The following UBE3A variants were observed in gnomAD, a reference collection of about 807,000 sequenced individuals.
The protein encoded by UBE3A is ubiquitin-protein ligase E3A.
A neutral mutation model predicts 83.4 loss-of-function variants in UBE3A; 6 were observed. The ratio of observed to expected loss-of-function variants is 0.07; its 90% confidence interval spans 0.04 to 0.14. The LOEUF is 0.14. Ranked by LOEUF, UBE3A falls within the 10% of genes least tolerant of loss-of-function variation. The probability of loss-of-function intolerance (pLI) is 1.00; values close to 1 mark genes in which losing one functional copy is unlikely to be tolerated. For missense variants in UBE3A, 456 were observed against 1,036.1 expected (o/e 0.44, Z 7.69); for synonymous variants, 337 against 355.4 (o/e 0.95, Z 0.58).
intron 4 of UBE3A, among the ~76,000 whole-genome samples, chr15:25,405,209 C>T (rs906693866): frequency 2.0e-5 from 3 of 151,980 alleles, no homozygotes; most frequent in African/African-American, 7.3e-5. Context: ...CCTACAACTG[C>T]TACCAGGGAA....
At chr15:25,340,314 A>G (rs2152516286) in intron 11 of UBE3A, 86 bp from the exon 12 acceptor site, 1 of 1,461,260 alleles carries the variant, frequency 6.8e-7, no homozygotes, top group East Asian at 2.3e-5. Context: ...CATTAAAACT[A>G]TATTAAGAGA....
chr15:25,369,467 GAATTTAGACAATTCTAAAACTAA>G (rs2079939915), intron 6 of UBE3A, among the ~76,000 whole-genome samples: 1 of 149,912 alleles, frequency 6.7e-6, no homozygotes, highest in African/African-American at 2.5e-5. Context: ...ATGAATTCTC[GAATTTAGACAATTCTAAAACTAA>G]AATTTAGACA....
Position 25,407,097 on chromosome 15 carries a change from C to T in UBE3A, c.21-1595G>A, listed in dbSNP as rs1250926625. ...CTCCACCAGCCTTGTGGGTAAGTAC[C>T]CCAAGATTGCTTCCAAACTTGTATC... On this transcript the variant is annotated intron_variant, in intron 3 of 12. Transcript: ENST00000648336. The T allele has an allele frequency of 2.2e-6, 3 of 1,350,590 alleles. No homozygotes were observed. The African/African-American group carries it at 4.4e-5, about 20-fold the overall frequency. The allele number at this position is 1,350,590 out of a possible 1,614,324, so 83.7% of individuals were successfully genotyped here. A position where few individuals can be genotyped will look rare whatever the true frequency, so the allele number is the denominator to read the frequency against.
intron 1 of UBE3A, among the ~76,000 whole-genome samples, chr15:25,429,258 C>T (rs78336119): frequency 0.011 from 1,706 of 151,892 alleles, 40 homozygotes; most frequent in African/African-American, 0.039. Flanking sequence ...TGTGTAGAGA[C>T]GGGTAACAGG....
rs1483029864 is a variant in UBE3A, at chr15:25,335,529, AAAG to A, written c.*3605_*3607del. On this transcript the variant is annotated 3_prime_UTR_variant, in exon 13 of 13. Transcript: ENST00000648336. ...GGATCAGGACCTGTAAGGGCAGTAT[AAAG>A]AAGGAAGGAATGATGGGAGAGGTTT... 6.6e-6 allele frequency: 1 copy of A among 152,180 alleles called. No individual in the cohort carries two copies. The highest frequency in any genetic ancestry group is 2.4e-5 in the African/African-American group (1 of 41,434). The allele number at this position is 152,180 out of a possible 1,614,324, so 9.4% of individuals were successfully genotyped here.
At position 25,335,554 on chromosome 15, in the gene UBE3A, G is replaced by C. The variant is rs1298746560; in HGVS notation, c.*3583C>G. 1 of 152,082 alleles carries C rather than the reference G, an allele frequency of 6.6e-6. No individual in the cohort carries two copies. The highest frequency in any genetic ancestry group is 1.5e-5 in the Non-Finnish European group (1 of 68,028). The allele number at this position is 152,082 out of a possible 1,614,324, so 9.4% of individuals were successfully genotyped here. On this transcript the variant is annotated 3_prime_UTR_variant, in exon 13 of 13. Transcript: ENST00000648336. ...AAAGAAGGAAGGAATGATGGGAGAGGTTTAGGGGGAAAGAAGTGACAACCT... is the reference window on the plus strand; with the variant it reads ...AAAGAAGGAAGGAATGATGGGAGAGCTTTAGGGGGAAAGAAGTGACAACCT...
intron 2 of UBE3A, chr15:25,409,560 A>C (rs2089483253): frequency 6.5e-6 from 1 of 153,108 alleles, no homozygotes; most frequent in African/African-American, 2.4e-5. Context: ...CGAGTGATTA[A>C]CTGACTTGCC....
chr15:25,385,984 A>G (rs1262556824), intron 4 of UBE3A, among the ~76,000 whole-genome samples: 3 of 152,202 alleles, frequency 2.0e-5, no homozygotes, highest in Non-Finnish European at 4.4e-5. Context: ...CAAGTACACT[A>G]GACTATTCCA....
rs60677664 is a variant in UBE3A, at chr15:25,359,418, C to CGTGTGTGTGT, written c.1753+955_1753+964dup. ...CTAGCTAGATTATAGATAAGGGATG[C>CGTGTGTGTGT]GTGTGTGTGTGTGTGTGTGTGTGTG... On this transcript the variant is annotated intron_variant, in intron 7 of 12. Transcript: ENST00000648336. Among the ~76,000 whole-genome samples, 727 of 139,002 alleles carry CGTGTGTGTGT rather than the reference C, an allele frequency of 5.2e-3. 9 individuals carry two copies. Among genetic ancestry groups the CGTGTGTGTGT allele is most frequent in the South Asian group, 0.018 (71 of 3,872 alleles). The allele number at this position is 139,002 out of a possible 152,430, so 91.2% of individuals were successfully genotyped here.
intron 1 of UBE3A, among the ~76,000 whole-genome samples, chr15:25,416,846 C>T (rs1370208187): frequency 6.6e-6 from 1 of 152,048 alleles, no homozygotes; most frequent in Non-Finnish European, 1.5e-5. Flanking sequence ...GTGAGCCATC[C>T]ACTGCTTGGA....
At chr15:25,381,104 T>C (rs1007241479) in intron 4 of UBE3A, among the ~76,000 whole-genome samples, 3 of 152,166 alleles carry the variant, frequency 2.0e-5, no homozygotes, top group African/African-American at 4.8e-5. Flanking sequence ...TTAAGATGGA[T>C]TGATGGATAC....
intron 11 of UBE3A, among the ~76,000 whole-genome samples, chr15:25,348,357 G>C (rs1321883114): frequency 6.6e-6 from 1 of 152,114 alleles, no homozygotes; most frequent in African/African-American, 2.4e-5. Context: ...TGGACTCTTG[G>C]TTTTTAATCC....
chr15:25,416,561 T>A (rs1301469781), intron 1 of UBE3A, among the ~76,000 whole-genome samples: 1 of 151,284 alleles, frequency 6.6e-6, no homozygotes, highest in East Asian at 2.0e-4. Flanking sequence ...TGTTTTTTGA[T>A]CTGAATGCTA....
chr15:25,423,890 T>G (rs1890551679), intron 1 of UBE3A, among the ~76,000 whole-genome samples: 1 of 152,170 alleles, frequency 6.6e-6, no homozygotes, highest in Admixed American at 6.6e-5. Context: ...TCCTATGGAC[T>G]CTATTTCAAC....
At chr15:25,382,146 G>A (rs1244680440) in intron 4 of UBE3A, among the ~76,000 whole-genome samples, 3 of 151,940 alleles carry the variant, frequency 2.0e-5, no homozygotes, top group African/African-American at 7.2e-5. Flanking sequence ...GTGAAACTAC[G>A]TCCCTACTAA....
chr15:25,349,761 T>G (rs2076226572), intron 11 of UBE3A, among the ~76,000 whole-genome samples: 1 of 152,212 alleles, frequency 6.6e-6, no homozygotes, highest in South Asian at 2.1e-4. Context: ...CCAACATCAC[T>G]GCTCTTGTGC....
chr15:25,399,726 G>A (rs939868360), intron 4 of UBE3A, among the ~76,000 whole-genome samples: 1 of 149,520 alleles, frequency 6.7e-6, no homozygotes, highest in Admixed American at 6.6e-5. Context: ...ACAGCACCGC[G>A]CCTGGCTTTA....
chr15:25,389,148 T>G (rs901860898), intron 4 of UBE3A, among the ~76,000 whole-genome samples: 5 of 151,618 alleles, frequency 3.3e-5, no homozygotes, highest in African/African-American at 9.7e-5. Context: ...AGCCCAGAAA[T>G]GGACCCACAT....
Position 25,427,296 on chromosome 15 carries a change from C to T in UBE3A, c.-165+11193G>A, listed in dbSNP as rs1186202263. ...TAAAGAAGCCCCAAACCAATGAGTG[C>T]AAAAAGAAAGACTCTCAAGGAAGGC... is the stretch of plus-strand genomic sequence containing the variant. On this transcript the variant is annotated intron_variant, in intron 1 of 12. Coordinates refer to ENST00000648336, the MANE Select transcript of UBE3A (RefSeq NM_130839.5). Among the ~76,000 whole-genome samples, 4 of 151,736 alleles carry T rather than the reference C, an allele frequency of 2.6e-5. No homozygotes were observed. The East Asian group carries it at 7.7e-4, about 29-fold the overall frequency.
Sources: gnomAD v4.1 joint callset for allele counts (sites outside exome capture counted in the v4.1 genomes callset) on GRCh38, gnomAD v4.1.1 for gene constraint, MANE v1.5 for transcripts, NCBI Gene and HGNC (gene_info 2026-07-23, HGNC 2026-07-21) for gene names.